Variants in CHSY3 observed in about 807,000 individuals in gnomAD.
CHSY3 encodes the protein chondroitin sulfate synthase 3, also known as N-acetylgalactosaminyl-proteoglycan 3-beta-glucuronosyltransferase 3.
A neutral mutation model predicts 67.2 loss-of-function variants in CHSY3; 35 were observed. The observed-to-expected ratio is 0.52, with a 90% CI of 0.40 to 0.69. The LOEUF (loss-of-function observed/expected upper bound fraction) is 0.69, where lower values mean the gene tolerates loss of function less well. CHSY3 is among the 30% of genes least tolerant of loss of function. The pLI is 0.00. For missense variants in CHSY3, 1,069 were observed against 1,138.5 expected (o/e 0.94, Z 0.88); for synonymous variants, 474 against 434.7 (o/e 1.09, Z -1.12).
intron 2 of CHSY3, among the ~76,000 whole-genome samples, chr5:129,948,278 T>C (rs1024999532): frequency 6.6e-6 from 1 of 152,202 alleles, no homozygotes; most frequent in Non-Finnish European, 1.5e-5. Flanking sequence ...TTTGGTCCAC[T>C]CATCACCCAA....
At chr5:130,152,650 C>G (rs747275514) in intron 2 of CHSY3, among the ~76,000 whole-genome samples, 1 of 152,148 alleles carries the variant, frequency 6.6e-6, no homozygotes, top group African/African-American at 2.4e-5. Flanking sequence ...ACTATACATA[C>G]AGCAATAGAC....
At position 129,905,092 on chromosome 5, in the gene CHSY3, T is replaced by G; in HGVS notation, c.263T>G (p.Leu88Arg). 1 of 1,542,374 alleles carries G rather than the reference T, an allele frequency of 6.5e-7. No individual in the cohort carries two copies. Among genetic ancestry groups the G allele is most frequent in the South Asian group, 1.2e-5 (1 of 84,288 alleles). ...CGCCAGGATCTCCAGGGGCCACCGC[T>G]GCCCGAGGCAGCACCCGGGATCACC... ...PARQDLQGPP[L>R]PEAAPGITSF... is the part of the protein sequence containing the mutation. The change falls in exon 1 of 3, where the codon CTG becomes CGG. Residue 88 changes from leucine (L) to arginine (R), a missense_variant. Leu to Arg is a moderately radical substitution (Grantham distance 102). Around this residue, in one of 5 missense-constraint regions of CHSY3, gnomAD observed 309 missense variants for 262.5 expected, o/e 1.18. Transcript: ENST00000305031.
intron 1 of CHSY3, among the ~76,000 whole-genome samples, chr5:129,906,244 C>G (rs1343153263): frequency 6.6e-6 from 1 of 152,144 alleles, no homozygotes; most frequent in Non-Finnish European, 1.5e-5. Flanking sequence ...GCCATCCCCA[C>G]CGTGCCAGCG....
intron 2 of CHSY3, among the ~76,000 whole-genome samples, chr5:130,069,077 C>A (rs1461272802): frequency 6.6e-6 from 1 of 151,964 alleles, no homozygotes; most frequent in Non-Finnish European, 1.5e-5. Flanking sequence ...CTGTAAATCC[C>A]ATTAGCTGAG....
At chr5:130,014,843 A>G (rs1764171466) in intron 2 of CHSY3, among the ~76,000 whole-genome samples, 1 of 152,178 alleles carries the variant, frequency 6.6e-6, no homozygotes, top group East Asian at 1.9e-4. Flanking sequence ...CAACAAAACC[A>G]AAAATTGACA....
At chr5:130,023,427 C>T (rs1764448269) in intron 2 of CHSY3, among the ~76,000 whole-genome samples, 1 of 151,882 alleles carries the variant, frequency 6.6e-6, no homozygotes, top group South Asian at 2.1e-4. Flanking sequence ...CCCAGCTTGC[C>T]TCACAGTTAG....
chr5:129,916,986 G>C (rs936879906), intron 2 of CHSY3, among the ~76,000 whole-genome samples: 2 of 152,062 alleles, frequency 1.3e-5, no homozygotes, highest in African/African-American at 4.8e-5. Context: ...TCTTAAGTAA[G>C]CCTCTTCTTT....
At chr5:129,933,243 A>G (rs539392032) in intron 2 of CHSY3, among the ~76,000 whole-genome samples, 2 of 152,280 alleles carry the variant, frequency 1.3e-5, no homozygotes, top group South Asian at 4.1e-4. Flanking sequence ...CCACAAAGAA[A>G]CATCCATTAT....
chr5:129,924,285 C>T (rs897991548), intron 2 of CHSY3, among the ~76,000 whole-genome samples: 2 of 152,162 alleles, frequency 1.3e-5, no homozygotes, highest in African/African-American at 4.8e-5. Flanking sequence ...ATGTTACCTC[C>T]TCTGCCCTCA....
chr5:130,008,741 G>A (rs1265788617), intron 2 of CHSY3, among the ~76,000 whole-genome samples: 1 of 152,184 alleles, frequency 6.6e-6, no homozygotes, highest in Non-Finnish European at 1.5e-5. Flanking sequence ...AATGCTGAGA[G>A]ATGAAATAGC....
chr5:129,920,553 G>A (rs1273758123), intron 2 of CHSY3, among the ~76,000 whole-genome samples: 1 of 151,966 alleles, frequency 6.6e-6, no homozygotes, highest in Non-Finnish European at 1.5e-5. Context: ...CAAGGAATTG[G>A]TTTCAAGACC....
At chr5:130,033,475 T>G (rs1764758730) in intron 2 of CHSY3, among the ~76,000 whole-genome samples, 1 of 152,192 alleles carries the variant, frequency 6.6e-6, no homozygotes, top group Admixed American at 6.5e-5. Flanking sequence ...CTGATTCTCA[T>G]GAAACTGTCT....
intron 2 of CHSY3, among the ~76,000 whole-genome samples, chr5:130,142,521 A>T (rs1160980465): frequency 6.6e-6 from 1 of 152,216 alleles, no homozygotes; most frequent in African/African-American, 2.4e-5. Context: ...TTAGGAAATT[A>T]TTTTAAAGTA....
At chr5:129,941,938 T>G (rs1761711867) in intron 2 of CHSY3, among the ~76,000 whole-genome samples, 1 of 152,070 alleles carries the variant, frequency 6.6e-6, no homozygotes. Context: ...CTCAGGGAAA[T>G]GTATTTAGTG....
chr5:130,080,530 A>C (rs1766413481), intron 2 of CHSY3, among the ~76,000 whole-genome samples: 2 of 152,282 alleles, frequency 1.3e-5, no homozygotes, highest in East Asian at 3.9e-4. Context: ...AAAACCTGGG[A>C]ATGTAAACAA....
At chr5:130,051,276 T>C (rs1345528747) in intron 2 of CHSY3, among the ~76,000 whole-genome samples, 1 of 152,102 alleles carries the variant, frequency 6.6e-6, no homozygotes, top group Non-Finnish European at 1.5e-5. Context: ...TATATTCATT[T>C]GTTGCTTCTG....
chr5:130,010,058 G>A (rs1764007386), intron 2 of CHSY3, among the ~76,000 whole-genome samples: 1 of 152,114 alleles, frequency 6.6e-6, no homozygotes, highest in African/African-American at 2.4e-5. Context: ...ACACCCCACT[G>A]ACAGTATTAG....
chr5:129,910,979 A>ATT lies in CHSY3; in HGVS notation c.1086+2635_1086+2636dup, dbSNP rs80188117. 6.3e-4 allele frequency among the ~76,000 whole-genome samples: 85 copies of ATT among 135,380 alleles called. 1 individual carries two copies. The East Asian group carries it at 0.01, about 16-fold the overall frequency. 88.8% of individuals were successfully genotyped at this position (135,380 alleles called of 152,430 possible). The stretch of plus-strand genomic sequence containing the variant: ...ATCTATGCCTTTCACAAATTTTAGG[A>ATT]TTTTTTTTTTTTTTTTTGGTTTATC... On this transcript the variant is annotated intron_variant, in intron 2 of 2. Coordinates refer to ENST00000305031, the MANE Select transcript of CHSY3 (RefSeq NM_175856.5).
At chr5:129,979,649 T>G (rs1265603702) in intron 2 of CHSY3, among the ~76,000 whole-genome samples, 3 of 152,174 alleles carry the variant, frequency 2.0e-5, no homozygotes, top group Non-Finnish European at 4.4e-5. Flanking sequence ...GGGTTCACTC[T>G]CAATGTTGTA....
Sources: gnomAD v4.1 joint callset for allele counts (sites outside exome capture counted in the v4.1 genomes callset) on GRCh38, gnomAD v4.1.1 for gene constraint, gnomAD v4.1.1 regional missense constraint, MANE v1.5 for transcripts, NCBI Gene and HGNC (gene_info 2026-07-23, HGNC 2026-07-21) for gene names.